Variants in AP3D1 observed in about 807,000 individuals in gnomAD.
AP3D1 encodes the protein AP-3 complex subunit delta-1.
Under a neutral mutation model 147.6 loss-of-function variants are expected in AP3D1, and 51 were observed. That is an observed-to-expected ratio of 0.35 (90% CI 0.28 to 0.44). The LOEUF is 0.44. Among genes scored for constraint, AP3D1 ranks in the 20% least tolerant of loss-of-function variants. The probability of loss-of-function intolerance (pLI) is 1.00; values close to 1 mark genes in which losing one functional copy is unlikely to be tolerated. For synonymous variants in AP3D1, 760 were observed against 663.0 expected (o/e 1.15, Z -2.25); for missense variants, 1,421 against 1,624.2 (o/e 0.87, Z 2.15).
chr19:2,102,305 G>A lies in AP3D1; in HGVS notation c.3553-37C>T, dbSNP rs370957535. 4.5e-6 allele frequency: 7 copies of A among 1,566,812 alleles called. No individual in the cohort carries two copies. In the East Asian group the frequency reaches 1.6e-4, roughly 35 times the overall value. On this transcript the variant is annotated intron_variant, in intron 31 of 31. Coordinates refer to ENST00000643116, the MANE Select transcript of AP3D1 (RefSeq NM_001261826.3). Reference sequence around the variant, plus strand: ...AAAAAGATGGATATTTTAAAAGTGTGTGCAGGGGCTAGGCACGGTGGCTCA... The same window carrying A: ...AAAAAGATGGATATTTTAAAAGTGTATGCAGGGGCTAGGCACGGTGGCTCA...
chr19:2,160,463 G>C (rs894899927), intron 1 of AP3D1, among the ~76,000 whole-genome samples: 1 of 152,118 alleles, frequency 6.6e-6, no homozygotes, highest in African/African-American at 2.4e-5. Context: ...GAAACCAGGA[G>C]GCGGGGGTTG....
chr19:2,116,015 C>G (rs970795182), intron 18 of AP3D1, among the ~76,000 whole-genome samples, 192 bp downstream of exon 18: 1 of 152,246 alleles, frequency 6.6e-6, no homozygotes, highest in African/African-American at 2.4e-5. Flanking sequence ...CAGGGCCCCC[C>G]GGCTGGAGGC....
chr19:2,157,266 C>T (rs1413081968), intron 1 of AP3D1, among the ~76,000 whole-genome samples: 1 of 151,174 alleles, frequency 6.6e-6, no homozygotes, highest in Non-Finnish European at 1.5e-5. Flanking sequence ...AACGGTGAAA[C>T]CCCGTCTCTA....
At chr19:2,129,606 G>C (rs2018879137) in intron 6 of AP3D1, 149 bp from the exon 7 acceptor site, 1 of 985,532 alleles carries the variant, frequency 1.0e-6, no homozygotes, top group Non-Finnish European at 1.5e-6. Flanking sequence ...TGGTGACAGG[G>C]ACAGCAGCCA....
chr19:2,123,970 C>T (rs925114198), intron 9 of AP3D1, 91 bp from the exon 10 acceptor site: 6 of 1,389,628 alleles, frequency 4.3e-6, no homozygotes, highest in Admixed American at 2.0e-5. Flanking sequence ...ACCCCCTCGC[C>T]GGGAGGAGGG....
In AP3D1 at chr19:2,117,284, G is replaced by A. The variant is rs766269340; in HGVS notation, c.1797C>T (p.Leu599=). Residue 599 remains leucine (L), a synonymous_variant, in exon 16 of 32, where the codon CTC becomes CTT. Transcript: ENST00000643116. ...DVPVAEEVSA[L]FAGELNPVAP... ...CCACTGGGTTCAGCTCCCCAGCAAA[G>A]AGAGCGCTGACCTCCTCTGCCACAG... is the stretch of plus-strand genomic sequence containing the variant. 1.6e-5 allele frequency: 26 copies of A among 1,612,786 alleles called. 1 individual carries two copies. In the South Asian group the frequency reaches 2.9e-4, roughly 18 times the overall value.
At position 2,102,027 on chromosome 19, in the gene AP3D1, CG is replaced by C. The variant is rs2017967622; in HGVS notation, c.*145del. ...GATAATTCAACGCAACAAATGACCT[CG>C]GATGTCTACACGGCGGACAACATAG... On this transcript the variant is annotated 3_prime_UTR_variant, in exon 32 of 32. Coordinates refer to ENST00000643116, the MANE Select transcript of AP3D1 (RefSeq NM_001261826.3). 2.0e-5 allele frequency: 13 copies of C among 643,258 alleles called. No homozygotes were observed. The South Asian group carries it at 2.0e-4, about 10-fold the overall frequency. 39.8% of individuals were successfully genotyped at this position (643,258 alleles called of 1,614,324 possible). A position where few individuals can be genotyped will look rare whatever the true frequency, so the allele number is the denominator to read the frequency against.
At chr19:2,136,989 GC>G (rs376877798) in intron 4 of AP3D1, 21 bp downstream of exon 4, 17 of 1,566,472 alleles carry the variant, frequency 1.1e-5, no homozygotes, top group East Asian at 9.6e-5. Flanking sequence ...GCACAGAGCG[GC>G]CCCGGCCCGG....
intron 25 of AP3D1, 164 bp downstream of exon 25, chr19:2,111,515 C>T: frequency 8.2e-7 from 1 of 1,220,916 alleles, no homozygotes; most frequent in East Asian, 2.5e-5. Flanking sequence ...ACGGGGGTGC[C>T]TAATGTGGGG....
chr19:2,115,161 G>A (rs2018405920), intron 20 of AP3D1, 58 bp downstream of exon 20: 1 of 1,548,664 alleles, frequency 6.5e-7, no homozygotes, highest in Non-Finnish European at 8.8e-7. Context: ...CATGGCCCCA[G>A]GACACACACA....
chr19:2,105,749 C>T (rs894667236), intron 31 of AP3D1, among the ~76,000 whole-genome samples: 3 of 152,128 alleles, frequency 2.0e-5, no homozygotes, highest in Non-Finnish European at 4.4e-5. Context: ...AGGAAGTGTG[C>T]AGCACCCAAA....
intron 1 of AP3D1, among the ~76,000 whole-genome samples, chr19:2,160,468 G>A (rs1284500597): frequency 1.3e-5 from 2 of 152,064 alleles, no homozygotes; most frequent in African/African-American, 2.4e-5. Context: ...CAGGAGGCGG[G>A]GGTTGCAGTA....
At chr19:2,137,166 G>A (rs1011747242) in intron 3 of AP3D1, 75 bp from the exon 4 acceptor site, 11 of 1,317,700 alleles carry the variant, frequency 8.3e-6, no homozygotes, top group East Asian at 5.0e-5. Context: ...GCTCTGCAGC[G>A]ACCACACCAG....
intron 1 of AP3D1, among the ~76,000 whole-genome samples, chr19:2,144,086 CAAA>C (rs36022453): frequency 1.6e-5 from 2 of 123,412 alleles, no homozygotes. Flanking sequence ...AACTCCGTCT[CAAA>C]AAAAAAAAAA....
intron 1 of AP3D1, among the ~76,000 whole-genome samples, chr19:2,159,985 G>A (rs979149608): frequency 2.0e-5 from 3 of 152,110 alleles, no homozygotes; most frequent in Non-Finnish European, 4.4e-5. Flanking sequence ...CAAAGTGCTG[G>A]GATTGCAGGC....
At chr19:2,110,930 G>A (rs534349795) in intron 26 of AP3D1, 34 bp from the exon 27 acceptor site, 57 of 1,599,172 alleles carry the variant, frequency 3.6e-5, no homozygotes, top group South Asian at 3.6e-4. Context: ...CAGGGCAGGC[G>A]GGCCCGCCAC....
At chr19:2,104,683 T>G (rs975007070) in intron 31 of AP3D1, among the ~76,000 whole-genome samples, 1 of 141,000 alleles carries the variant, frequency 7.1e-6, no homozygotes, top group Admixed American at 7.0e-5. Context: ...TTTTTTTTTT[T>G]TTTTTTGGAG....
At chr19:2,150,921 G>A (rs946580005) in intron 1 of AP3D1, among the ~76,000 whole-genome samples, 6 of 152,232 alleles carry the variant, frequency 3.9e-5, no homozygotes, top group African/African-American at 1.2e-4. Flanking sequence ...TAAACTGAGG[G>A]TCCAGGGGGA....
chr19:2,135,685 C>A (rs933500153), intron 4 of AP3D1, among the ~76,000 whole-genome samples: 8 of 152,218 alleles, frequency 5.3e-5, no homozygotes, highest in African/African-American at 1.9e-4. Flanking sequence ...CAGGTCAGAG[C>A]CGCGCCCGAC....
Sources: gnomAD v4.1 joint callset for allele counts (sites outside exome capture counted in the v4.1 genomes callset) on GRCh38, gnomAD v4.1.1 for gene constraint, MANE v1.5 for transcripts, NCBI Gene and HGNC (gene_info 2026-07-23, HGNC 2026-07-21) for gene names.